MAGI1: variants seen among roughly 807,000 people sequenced by gnomAD.
MAGI1 encodes membrane-associated guanylate kinase, WW and PDZ domain-containing protein 1.
A neutral mutation model predicts 139.9 loss-of-function variants in MAGI1; 58 were observed. That is an observed-to-expected ratio of 0.41 (90% confidence interval 0.34 to 0.52). The LOEUF (loss-of-function observed/expected upper bound fraction) is 0.52. Among genes scored for constraint, MAGI1 ranks in the 20% least tolerant of loss-of-function variants. The pLI is 0.12. For synonymous variants in MAGI1, 812 were observed against 737.9 expected (o/e 1.10, Z -1.63); for missense variants, 1,874 against 1,901.6 (o/e 0.99, Z 0.27).
At chr3:65,404,605 A>G (rs1945183835) in intron 12 of MAGI1, among the ~76,000 whole-genome samples, 2 of 152,212 alleles carry the variant, frequency 1.3e-5, no homozygotes. Flanking sequence ...TTAGGCCCAC[A>G]TGGTCATTAA....
intron 16 of MAGI1, 145 bp from the exon 17 acceptor site, chr3:65,379,699 A>G: frequency 7.4e-7 from 1 of 1,356,712 alleles, no homozygotes; most frequent in East Asian, 2.3e-5. Flanking sequence ...ATACCTGGAT[A>G]TACGGATTGA....
At chr3:65,359,035 A>C in intron 22 of MAGI1, 1 of 1,594,330 alleles carries the variant, frequency 6.3e-7, no homozygotes, top group Middle Eastern at 1.7e-4. Flanking sequence ...CACAGCACAG[A>C]AACACCTAGT....
At chr3:65,454,085 A>T (rs141983199) in intron 5 of MAGI1, among the ~76,000 whole-genome samples, 325 of 152,100 alleles carry the variant, frequency 2.1e-3, no homozygotes, top group Admixed American at 5.0e-3. Context: ...ATCATATTAG[A>T]AATGTCACCA....
At chr3:65,667,510 C>T (rs777710623) in intron 1 of MAGI1, among the ~76,000 whole-genome samples, 11 of 152,132 alleles carry the variant, frequency 7.2e-5, no homozygotes, top group Non-Finnish European at 1.5e-4. Flanking sequence ...GTGAGAGCAC[C>T]AGGAGGAATG....
At chr3:65,365,007 G>A in intron 18 of MAGI1, 61 bp from the exon 19 acceptor site, 1 of 1,310,504 alleles carries the variant, frequency 7.6e-7, no homozygotes. Flanking sequence ...CTCCAGCCAG[G>A]AGGTGTGCAG....
intron 1 of MAGI1, among the ~76,000 whole-genome samples, chr3:65,699,784 G>A (rs2089471557): frequency 1.3e-5 from 2 of 148,398 alleles, no homozygotes; most frequent in African/African-American, 2.5e-5. Flanking sequence ...GCTAGATGAC[G>A]AGTTAGTGGG....
chr3:65,401,140 A>G (rs558294338), intron 13 of MAGI1, among the ~76,000 whole-genome samples: 1 of 152,238 alleles, frequency 6.6e-6, no homozygotes, highest in East Asian at 1.9e-4. Context: ...ACGGCTAAGA[A>G]ACTCATCCCT....
intron 2 of MAGI1, among the ~76,000 whole-genome samples, chr3:65,514,256 T>G (rs1374630962): frequency 6.8e-6 from 1 of 147,434 alleles, no homozygotes; most frequent in Non-Finnish European, 1.5e-5. Context: ...GGGCAAGGAC[T>G]TCATGTCCAA....
At chr3:65,776,115 A>G (rs573202927) in intron 1 of MAGI1, among the ~76,000 whole-genome samples, 2 of 152,170 alleles carry the variant, frequency 1.3e-5, no homozygotes, top group South Asian at 4.1e-4. Flanking sequence ...TTAGTTTGCA[A>G]TTTTTGCCAC....
At chr3:66,024,501 C>G (rs1258226260) in intron 1 of MAGI1, among the ~76,000 whole-genome samples, 7 of 150,622 alleles carry the variant, frequency 4.6e-5, no homozygotes, top group Non-Finnish European at 7.4e-5. Flanking sequence ...CCCTAATTGT[C>G]CTTTAAAATA....
intron 1 of MAGI1, among the ~76,000 whole-genome samples, chr3:66,029,061 T>G (rs1225041063): frequency 6.6e-6 from 1 of 152,182 alleles, no homozygotes; most frequent in Non-Finnish European, 1.5e-5. Context: ...ATCATTATTA[T>G]CCCCATTTTC....
chr3:65,587,249 G>C (rs1416762305), intron 2 of MAGI1, among the ~76,000 whole-genome samples: 1 of 152,098 alleles, frequency 6.6e-6, no homozygotes, highest in Non-Finnish European at 1.5e-5. Context: ...GAACATCATA[G>C]CTTAGGCTGG....
At chr3:65,984,593 G>A (rs896941855) in intron 1 of MAGI1, among the ~76,000 whole-genome samples, 11 of 147,636 alleles carry the variant, frequency 7.5e-5, no homozygotes, top group Admixed American at 4.8e-4. Flanking sequence ...ACAGTGTTAC[G>A]ATCACCACTC....
intron 1 of MAGI1, among the ~76,000 whole-genome samples, chr3:66,028,091 G>A (rs1405112684): frequency 1.3e-5 from 2 of 152,166 alleles, no homozygotes; most frequent in Non-Finnish European, 2.9e-5. Context: ...GATCGCTTGA[G>A]CCCAGGAGCT....
At chr3:65,437,404 C>T (rs1947929217) in intron 9 of MAGI1, among the ~76,000 whole-genome samples, 157 bp from the exon 10 acceptor site, 1 of 138,682 alleles carries the variant, frequency 7.2e-6, no homozygotes. Context: ...CTATGAAGCT[C>T]TTTTTTTTTT....
At chr3:65,688,056 T>A in intron 1 of MAGI1, 1 of 776,214 alleles carries the variant, frequency 1.3e-6, no homozygotes, top group Non-Finnish European at 2.3e-6. Flanking sequence ...TAAGTCATTA[T>A]GCTGTGATAA....
chr3:65,442,985 C>CAA (rs1427255458), intron 7 of MAGI1, 136 bp from the exon 8 acceptor site: 62 of 390,594 alleles, frequency 1.6e-4, no homozygotes, highest in Admixed American at 3.3e-4. Flanking sequence ...ATATCCTAAC[C>CAA]AAAAAAAAAA....
intron 5 of MAGI1, among the ~76,000 whole-genome samples, chr3:65,462,663 T>C (rs1343284436): frequency 6.6e-6 from 1 of 152,214 alleles, no homozygotes; most frequent in Non-Finnish European, 1.5e-5. Flanking sequence ...AGAAAGTCAA[T>C]GGTAGCTTGA....
chr3:65,411,982 T>C (rs1945831393), intron 12 of MAGI1, among the ~76,000 whole-genome samples: 1 of 152,188 alleles, frequency 6.6e-6, no homozygotes, highest in South Asian at 2.1e-4. Flanking sequence ...GTTTATCCTC[T>C]TTATTATCCG....
Sources: allele counts gnomAD v4.1 joint callset (sites outside exome capture counted in the v4.1 genomes callset), GRCh38; gene constraint gnomAD v4.1.1; transcripts MANE v1.5; gene names NCBI Gene and HGNC (gene_info 2026-07-23, HGNC 2026-07-21).